PIEZO2: variants seen among roughly 807,000 people sequenced by gnomAD.
PIEZO2 encodes the protein piezo type mechanosensitive ion channel component 2, also known as piezo-type mechanosensitive ion channel component 2.
PIEZO2 carries 172 observed loss-of-function variants against 337.3 expected under a neutral mutation model. That is an observed-to-expected ratio of 0.51 (90% CI 0.45 to 0.58). PIEZO2 has a LOEUF of 0.58. Ranked by LOEUF, PIEZO2 falls within the 20% of genes least tolerant of loss-of-function variation. The probability of loss-of-function intolerance (pLI) is 0.00; values close to 1 mark genes in which losing one functional copy is unlikely to be tolerated. For synonymous variants in PIEZO2, 1,251 were observed against 1,228.5 expected, an observed-to-expected ratio of 1.02 and a Z score of -0.38; for missense variants, 3,028 against 3,391.3, an observed-to-expected ratio of 0.89 and a Z score of 2.66.
At chr18:10,678,189 A>G (rs1426146067) in intron 52 of PIEZO2, among the ~76,000 whole-genome samples, 1 of 152,246 alleles carries the variant, frequency 6.6e-6, no homozygotes, top group Non-Finnish European at 1.5e-5. Flanking sequence ...ATATCAACCC[A>G]ATGATGTTAG....
chr18:11,090,912 TAA>T (rs61020782), intron 1 of PIEZO2, among the ~76,000 whole-genome samples: 40,843 of 123,430 alleles, frequency 0.33, 7,749 homozygotes, highest in African/African-American at 0.56. Context: ...AGACTCCGTC[TAA>T]AAAAAAAAAA....
At chr18:10,956,448 T>G (rs1024407369) in intron 3 of PIEZO2, among the ~76,000 whole-genome samples, 4 of 152,156 alleles carry the variant, frequency 2.6e-5, no homozygotes, top group African/African-American at 9.7e-5. Flanking sequence ...AAAATCTCCC[T>G]ACTACTCAAA....
intron 28 of PIEZO2, among the ~76,000 whole-genome samples, chr18:10,752,239 C>T (rs8089336): frequency 0.24 from 37,239 of 152,132 alleles, 4,544 homozygotes; most frequent in Non-Finnish European, 0.26. Flanking sequence ...TAGATAAGAG[C>T]GTTGCTTTTT....
At chr18:10,780,278 G>C (rs1234377026) in intron 18 of PIEZO2, 47 bp downstream of exon 18, 3 of 702,578 alleles carry the variant, frequency 4.3e-6, no homozygotes, top group South Asian at 3.0e-5. Context: ...AACACAGCAA[G>C]AAATAGCTTC....
chr18:10,951,327 T>C (rs1279879268), intron 3 of PIEZO2, among the ~76,000 whole-genome samples: 8 of 152,214 alleles, frequency 5.3e-5, no homozygotes, highest in South Asian at 2.1e-4. Flanking sequence ...CTTCCCCGAA[T>C]TGCAATTCTT....
chr18:10,769,654 C>T (rs2038514650), intron 21 of PIEZO2: 1 of 152,534 alleles, frequency 6.6e-6, no homozygotes, highest in African/African-American at 2.4e-5. Context: ...TGGATGACGA[C>T]TCTCTTCTTT....
chr18:10,917,821 G>C (rs111346235), intron 3 of PIEZO2, among the ~76,000 whole-genome samples: 51 of 152,282 alleles, frequency 3.3e-4, no homozygotes, highest in African/African-American at 1.2e-3. Flanking sequence ...GCCTGGCACA[G>C]AAATTGGTGA....
rs961600936 is a variant in PIEZO2 at position 11,110,869 on chromosome 18, G to T, written c.64+37656C>A. On this transcript the variant is annotated intron_variant, in intron 1 of 55. Coordinates refer to ENST00000674853, the MANE Select transcript of PIEZO2 (RefSeq NM_001378183.1). The surrounding 1 kb of genome is among the most constrained non-coding windows in gnomAD (Gnocchi z 4.2). ...GGCTGGATTGTCTGTGGTCCACTGG[G>T]TCACTGCCACCCTCTCCTGAGGTCT... Among the ~76,000 whole-genome samples the T allele has an allele frequency of 6.6e-6, 1 of 152,202 alleles. No homozygotes were observed. Among genetic ancestry groups the T allele is most frequent in the African/African-American group, 2.4e-5 (1 of 41,458 alleles).
chr18:10,926,670 T>C (rs2031758253), intron 3 of PIEZO2, among the ~76,000 whole-genome samples: 1 of 152,108 alleles, frequency 6.6e-6, no homozygotes. Context: ...CAAGAGCTGA[T>C]GAAAAATATC....
intron 2 of PIEZO2, among the ~76,000 whole-genome samples, chr18:11,051,890 G>C (rs2037549529): frequency 6.6e-6 from 1 of 152,172 alleles, no homozygotes; most frequent in African/African-American, 2.4e-5. Context: ...TTGTGGGTAG[G>C]ACCTCTGTGG....
rs1044066569 is a variant in PIEZO2, at chr18:10,870,279, T to C, written c.492+974A>G. 1.3e-5 allele frequency among the ~76,000 whole-genome samples: 2 copies of C among 152,224 alleles called. No homozygotes were observed. The highest frequency in any genetic ancestry group is 2.4e-5 in the African/African-American group (1 of 41,460). Reference sequence around the variant, plus strand: ...AAATTGTCTGCTTTCTTGTGAACCATATAAATCATTTTCCATAAGTGAGAA... The same window carrying C: ...AAATTGTCTGCTTTCTTGTGAACCACATAAATCATTTTCCATAAGTGAGAA... On this transcript the variant is annotated intron_variant, in intron 5 of 55. Transcript: ENST00000674853. The surrounding 1 kb of genome is among the most constrained non-coding windows in gnomAD (Gnocchi z 5.3).
rs1406724496 is a variant in PIEZO2, at chr18:10,726,298, C to T, written c.5029+5109G>A. ...GAATGGAAGCGTCGCGGCCAGAGCC[C>T]CGGCCAGGTGGAGCAGGTGGGTCCC... On this transcript the variant is annotated intron_variant, in intron 36 of 55. Coordinates refer to ENST00000674853, the MANE Select transcript of PIEZO2 (RefSeq NM_001378183.1). The surrounding 1 kb of genome is among the most constrained non-coding windows in gnomAD (Gnocchi z 5.9). 18 of 1,075,398 alleles carry T rather than the reference C, an allele frequency of 1.7e-5. No homozygotes were observed. Among genetic ancestry groups the T allele is most frequent in the Non-Finnish European group, 2.2e-5 (16 of 742,066 alleles). The allele number at this position is 1,075,398 out of a possible 1,614,324, so 66.6% of individuals were successfully genotyped here.
intron 3 of PIEZO2, among the ~76,000 whole-genome samples, chr18:10,972,616 G>A (rs1038350803): frequency 1.1e-4 from 17 of 152,216 alleles, no homozygotes; most frequent in African/African-American, 3.6e-4. Flanking sequence ...ACATGGAGTA[G>A]AGTAGGTACA....
Position 10,724,943 on chromosome 18 carries a change from G to A in PIEZO2, c.5029+6464C>T. ...CCACCTGGACGGCGATGGAACCCAG[G>A]TGGGCGCACCCTGCGGCCTGCAGCC... On this transcript the variant is annotated intron_variant, in intron 36 of 55. Coordinates refer to ENST00000674853, the MANE Select transcript of PIEZO2 (RefSeq NM_001378183.1). This position sits in a 1 kb window ranked among gnomAD's most constrained non-coding sequence, Gnocchi z 5.8. The A allele has an allele frequency of 3.1e-6, 5 of 1,599,514 alleles. No individual in the cohort carries two copies. The highest frequency in any genetic ancestry group is 2.2e-5 in the South Asian group (2 of 89,870).
At chr18:11,135,625 G>A (rs548268319) in intron 1 of PIEZO2, among the ~76,000 whole-genome samples, 14 of 152,206 alleles carry the variant, frequency 9.2e-5, no homozygotes, top group African/African-American at 2.4e-4. Flanking sequence ...TTGGCTCACC[G>A]TAACCTCCGC....
intron 27 of PIEZO2, among the ~76,000 whole-genome samples, chr18:10,757,601 A>G (rs1016594320): frequency 6.8e-6 from 1 of 148,046 alleles, no homozygotes; most frequent in Admixed American, 6.7e-5. Flanking sequence ...AGGAAGAAAG[A>G]TGGGGGATGA....
intron 3 of PIEZO2, among the ~76,000 whole-genome samples, chr18:10,976,975 A>T (rs2034463322): frequency 6.7e-6 from 1 of 148,252 alleles, no homozygotes; most frequent in Non-Finnish European, 1.5e-5. Context: ...TTTGCCTGGG[A>T]AGAAGGAGCC....
At position 10,859,251 on chromosome 18, in the gene PIEZO2, C is replaced by A. The variant is rs1406669650; in HGVS notation, c.493-2040G>T. On this transcript the variant is annotated intron_variant, in intron 5 of 55. Transcript: ENST00000674853. This position sits in a 1 kb window ranked among gnomAD's most constrained non-coding sequence, Gnocchi z 4.9. ...AAAGAGCTGGTCCAAGGCTTGGTGG[C>A]ATGTGCAGAAAGAGGGTAAGTGTCC... Among the ~76,000 whole-genome samples the A allele has an allele frequency of 6.6e-6, 1 of 152,182 alleles. No homozygotes were observed. The highest frequency in any genetic ancestry group is 1.5e-5 in the Non-Finnish European group (1 of 68,030).
intron 1 of PIEZO2, among the ~76,000 whole-genome samples, chr18:11,086,417 G>T (rs1018208658): frequency 3.3e-5 from 5 of 151,358 alleles, no homozygotes; most frequent in African/African-American, 7.3e-5. Flanking sequence ...TACTCAGGAG[G>T]CTGAGGCAGG....
Sources: allele counts gnomAD v4.1 joint callset (sites outside exome capture counted in the v4.1 genomes callset), GRCh38; gene constraint gnomAD v4.1.1; non-coding constraint Gnocchi (gnomAD v3.1); transcripts MANE v1.5; gene names NCBI Gene and HGNC (gene_info 2026-07-23, HGNC 2026-07-21).